SMC5: variants seen among roughly 807,000 people sequenced by gnomAD.
SMC5 encodes structural maintenance of chromosomes protein 5.
Under a neutral mutation model 148.3 loss-of-function variants are expected in SMC5, and 88 were observed. The ratio of observed to expected loss-of-function variants is 0.59; its 90% CI spans 0.50 to 0.71. The LOEUF (loss-of-function observed/expected upper bound fraction) is 0.71. Ranked by LOEUF, SMC5 falls within the 30% of genes least tolerant of loss-of-function variation. SMC5 has a pLI of 0.00. For synonymous variants in SMC5, 421 were observed against 432.8 expected, an observed-to-expected ratio of 0.97 and a Z score of 0.34; for missense variants, 1,142 against 1,298.9, an observed-to-expected ratio of 0.88 and a Z score of 1.86.
chr9:70,269,769 C>G (rs1437512826), intron 3 of SMC5, among the ~76,000 whole-genome samples: 1 of 152,106 alleles, frequency 6.6e-6, no homozygotes, highest in African/African-American at 2.4e-5. Context: ...TTGTCTACCA[C>G]ATGTTGAAGT....
chr9:70,273,585 T>C (rs2034508297), intron 3 of SMC5, among the ~76,000 whole-genome samples: 1 of 152,158 alleles, frequency 6.6e-6, no homozygotes, highest in Non-Finnish European at 1.5e-5. Flanking sequence ...TACCCTAATA[T>C]GAACAGTTAA....
chr9:70,296,058 T>C (rs2035193113), intron 8 of SMC5, among the ~76,000 whole-genome samples: 2 of 152,136 alleles, frequency 1.3e-5, no homozygotes, highest in South Asian at 4.1e-4. Context: ...GAGAGAGGAT[T>C]TGGGGATATG....
chr9:70,275,552 A>C (rs542637013), intron 3 of SMC5, among the ~76,000 whole-genome samples: 2 of 151,934 alleles, frequency 1.3e-5, no homozygotes, highest in African/African-American at 4.8e-5. Flanking sequence ...GATAGTAATC[A>C]TTCTCTTTTT....
intron 3 of SMC5, among the ~76,000 whole-genome samples, chr9:70,270,642 A>ATTTTTTTTTTTTTTTTTTTTTTTTTTTTT (rs71364589): frequency 9.6e-6 from 1 of 103,818 alleles, no homozygotes; most frequent in Non-Finnish European, 1.9e-5. Flanking sequence ...AGACTAAATA[A>ATTTTTTTTTTTTTTTTTTTTTTTTTTTTT]TTTTTTTTTT....
rs779801388 is a variant in SMC5 at position 70,259,203 on chromosome 9, T to TG, written c.126dup (p.Gln43AlafsTer23). The TG allele has an allele frequency of 6.2e-7, 1 of 1,608,670 alleles. No individual in the cohort carries two copies. The highest frequency in any genetic ancestry group is 2.2e-5 in the East Asian group (1 of 44,710). On this transcript the variant is annotated frameshift_variant, in exon 1 of 25. Transcript: ENST00000361138. LOFTEE classifies it high-confidence loss of function. ...AATTCGGCCCCGCAGCTGCCGCTGTTGCAGTCGTCCGGGCCTTTCGTGGAA... is the reference window on the plus strand; with the variant it reads ...AATTCGGCCCCGCAGCTGCCGCTGTTGGCAGTCGTCCGGGCCTTTCGTGGAA...
rs963162227 is a variant in SMC5 at position 70,259,012 on chromosome 9, G to C, written c.-67G>C. 2.0e-6 allele frequency: 3 copies of C among 1,493,564 alleles called. No homozygotes were observed. Among genetic ancestry groups the C allele is most frequent in the Admixed American group, 2.4e-5 (1 of 41,982 alleles). The allele number at this position is 1,493,564 out of a possible 1,614,324, so 92.5% of individuals were successfully genotyped here. ...GGGAGCGGGGCGCCTGGGTGGATGG[G>C]CGCTTGGGCGCCTGGGCTGCCGGAC... On this transcript the variant is annotated 5_prime_UTR_variant, in exon 1 of 25. Transcript: ENST00000361138.
chr9:70,309,540 A>G (rs1202020001), intron 11 of SMC5, among the ~76,000 whole-genome samples: 1 of 151,970 alleles, frequency 6.6e-6, no homozygotes, highest in Non-Finnish European at 1.5e-5. Context: ...TAATTTCAGC[A>G]GTGTTCCCAG....
intron 16 of SMC5, 125 bp downstream of exon 16, chr9:70,323,731 G>GATCTTT: frequency 9.1e-7 from 1 of 1,100,226 alleles, no homozygotes; most frequent in Non-Finnish European, 1.3e-6. Flanking sequence ...ATAAGCAAGA[G>GATCTTT]ATCTTTATCA....
intron 7 of SMC5, among the ~76,000 whole-genome samples, chr9:70,284,106 G>A (rs1344787225): frequency 6.6e-6 from 1 of 152,198 alleles, no homozygotes; most frequent in Non-Finnish European, 1.5e-5. Context: ...GGAATATAAA[G>A]TAAACTTTGT....
rs186582650 is a variant in SMC5, at chr9:70,288,851, G to A, written c.1053+2580G>A. Among the ~76,000 whole-genome samples, 277 of 151,388 alleles carry A rather than the reference G, an allele frequency of 1.8e-3. 1 individual carries two copies. The highest frequency in any genetic ancestry group is 0.017 in the Middle Eastern group (5 of 294). On this transcript the variant is annotated intron_variant, in intron 8 of 24. Transcript: ENST00000361138. ...AAAGAATTTTTTGAGACTTTTTTTTGGCTTTTATTGTGTGTTTGATTTTTG... is the reference window on the plus strand; with the variant it reads ...AAAGAATTTTTTGAGACTTTTTTTTAGCTTTTATTGTGTGTTTGATTTTTG...
intron 17 of SMC5, among the ~76,000 whole-genome samples, chr9:70,339,713 A>G (rs1443469357): frequency 6.6e-6 from 1 of 152,136 alleles, no homozygotes; most frequent in Non-Finnish European, 1.5e-5. Context: ...AAATAAATTC[A>G]CAAAAGAAGA....
In SMC5 at chr9:70,350,077, GAAACTCATTTTTCATCA is replaced by G; in HGVS notation, c.2890-36_2890-20del. 6.9e-7 allele frequency: 1 copy of G among 1,457,314 alleles called. No individual in the cohort carries two copies. Among genetic ancestry groups the G allele is most frequent in the Non-Finnish European group, 9.3e-7 (1 of 1,070,882 alleles). The allele number at this position is 1,457,314 out of a possible 1,614,324, so 90.3% of individuals were successfully genotyped here. A position where few individuals can be genotyped will look rare whatever the true frequency, so the allele number is the denominator to read the frequency against. On this transcript the variant is annotated intron_variant, in intron 22 of 24. Transcript: ENST00000361138. ...AAATAATAGAATGACATTACCAGAG[GAAACTCATTTTTCATCA>G]CTTTTTAAATGTTTTATAGGAAGAT...
Position 70,259,218 on chromosome 9 carries a change from C to A in SMC5, c.140C>A (p.Pro47His), listed in dbSNP as rs745376589. The A allele has an allele frequency of 9.3e-6, 15 of 1,605,386 alleles. No individual in the cohort carries two copies. In the Middle Eastern group the frequency reaches 6.6e-4, roughly 71 times the overall value. The part of the protein sequence containing the change: ...PQLPLLQSSG[P>H]FVEGSIVRIS... ...CTGCCGCTGTTGCAGTCGTCCGGGC[C>A]TTTCGTGGAAGGCTCTATCGTCCGC... Residue 47 changes from proline (P) to histidine (H), a missense_variant, in exon 1 of 25, where the codon CCT (proline) becomes CAT (histidine). Physicochemically the swap from Pro to His is moderately conservative, Grantham distance 77. Around this residue, in one of 5 missense-constraint regions of SMC5, gnomAD observed 297 missense variants for 302.6 expected, o/e 0.98. Coordinates refer to ENST00000361138, the MANE Select transcript of SMC5 (RefSeq NM_015110.4).
intron 10 of SMC5, among the ~76,000 whole-genome samples, chr9:70,303,918 A>C (rs1018322436): frequency 6.6e-6 from 1 of 152,232 alleles, no homozygotes; most frequent in South Asian, 2.1e-4. Context: ...AGTACTTTTT[A>C]TATTTATACG....
rs1166357798 is a variant in SMC5, at chr9:70,259,027, G to A, written c.-52G>A. ...GGGTGGATGGGCGCTTGGGCGCCTG[G>A]GCTGCCGGACGGTGGGAACGGAAGT... On this transcript the variant is annotated 5_prime_UTR_variant, in exon 1 of 25. Coordinates refer to ENST00000361138, the MANE Select transcript of SMC5 (RefSeq NM_015110.4). 15 of 1,529,890 alleles carry A rather than the reference G, an allele frequency of 9.8e-6. No individual in the cohort carries two copies. The highest frequency in any genetic ancestry group is 1.3e-5 in the Non-Finnish European group (15 of 1,137,334). The allele number at this position is 1,529,890 out of a possible 1,614,324, so 94.8% of individuals were successfully genotyped here. A position where few individuals can be genotyped will look rare whatever the true frequency, so the allele number is the denominator to read the frequency against.
rs2035462633 is a variant in SMC5, at chr9:70,305,158, A to C, written c.1465-89A>C. 18 of 608,382 alleles carry C rather than the reference A, an allele frequency of 3.0e-5. No homozygotes were observed. The South Asian group carries it at 3.9e-4, about 13-fold the overall frequency. 37.7% of individuals were successfully genotyped at this position (608,382 alleles called of 1,614,324 possible). A position where few individuals can be genotyped will look rare whatever the true frequency, so the allele number is the denominator to read the frequency against. Reference sequence around the variant, plus strand: ...TATCTTGTTTTTTCTCAAGTATTACAATCTAATTAAATCCAATTTTAATAT... The same window carrying C: ...TATCTTGTTTTTTCTCAAGTATTACCATCTAATTAAATCCAATTTTAATAT... On this transcript the variant is annotated intron_variant, in intron 10 of 24. Transcript: ENST00000361138.
At chr9:70,336,780 G>C (rs2036367551) in intron 17 of SMC5, among the ~76,000 whole-genome samples, 1 of 152,208 alleles carries the variant, frequency 6.6e-6, no homozygotes, top group East Asian at 1.9e-4. Context: ...TGACCCATCA[G>C]GCAGATACTA....
At chr9:70,326,160 CTG>C (rs1238863721) in intron 17 of SMC5, among the ~76,000 whole-genome samples, 10 of 152,216 alleles carry the variant, frequency 6.6e-5, no homozygotes, top group East Asian at 1.9e-4. Flanking sequence ...AATTCCAACA[CTG>C]TGCAGAATGT....
In SMC5 at chr9:70,354,040, A is replaced by G. The variant is rs1487362863; in HGVS notation, c.*1709A>G. On this transcript the variant is annotated 3_prime_UTR_variant, in exon 25 of 25. Coordinates refer to ENST00000361138, the MANE Select transcript of SMC5 (RefSeq NM_015110.4). The stretch of plus-strand genomic sequence containing the variant: ...AATGGTCAATTACATTTCAATTTAC[A>G]TAGGCCAACAACTGTTCCATACTTT... The G allele has an allele frequency of 6.6e-6, 1 of 152,256 alleles. No homozygotes were observed. Among genetic ancestry groups the G allele is most frequent in the Admixed American group, 6.5e-5 (1 of 15,288 alleles). The allele number at this position is 152,256 out of a possible 1,614,324, so 9.4% of individuals were successfully genotyped here. A position where few individuals can be genotyped will look rare whatever the true frequency, so the allele number is the denominator to read the frequency against.
Sources: gnomAD v4.1 joint callset for allele counts (sites outside exome capture counted in the v4.1 genomes callset) on GRCh38, gnomAD v4.1.1 for gene constraint, gnomAD v4.1.1 regional missense constraint, MANE v1.5 for transcripts, NCBI Gene and HGNC (gene_info 2026-07-23, HGNC 2026-07-21) for gene names.